ACOT11: variants seen among roughly 807,000 people sequenced by gnomAD.
ACOT11 encodes acyl-coenzyme A thioesterase 11.
A neutral mutation model predicts 77.5 loss-of-function variants in ACOT11; 69 were observed. The observed-to-expected ratio is 0.89, with a 90% CI of 0.73 to 1.09. ACOT11 has a LOEUF of 1.09. ACOT11 is among the 50% of genes least tolerant of loss of function. The pLI is 0.00. For synonymous variants in ACOT11, 279 were observed against 313.0 expected (o/e 0.89, Z 1.15); for missense variants, 766 against 813.7 (o/e 0.94, Z 0.71).
intron 1 of ACOT11, among the ~76,000 whole-genome samples, chr1:54,569,216 C>T (rs1653850451): frequency 6.6e-6 from 1 of 151,956 alleles, no homozygotes; most frequent in Admixed American, 6.6e-5. Flanking sequence ...CCTGCCTCAG[C>T]CTCCCAAAGT....
chr1:54,565,310 C>A (rs1653699054), intron 1 of ACOT11, among the ~76,000 whole-genome samples: 1 of 152,210 alleles, frequency 6.6e-6, no homozygotes, highest in African/African-American at 2.4e-5. Flanking sequence ...CTGCAGTGAG[C>A]TCTTTTCCTA....
At chr1:54,623,584 C>T (rs951069985) in intron 15 of ACOT11, 10 of 579,586 alleles carry the variant, frequency 1.7e-5, no homozygotes, top group Non-Finnish European at 2.8e-5. Context: ...CCTCCCCGCC[C>T]CAATCCTCTT....
chr1:54,635,857 C>T (rs1292703728), exon 17 of ACOT11: 2 of 152,770 alleles, frequency 1.3e-5, no homozygotes, highest in African/African-American at 4.8e-5. Context: ...CTCTGCAGCA[C>T]TAAAACATGT....
chr1:54,565,049 C>G (rs1435136139), intron 1 of ACOT11, among the ~76,000 whole-genome samples: 2 of 152,168 alleles, frequency 1.3e-5, no homozygotes, highest in Non-Finnish European at 1.5e-5. Flanking sequence ...TGCATCTCAG[C>G]ACCGTCTTCC....
At chr1:54,599,633 G>T in intron 8 of ACOT11, 1 of 359,146 alleles carries the variant, frequency 2.8e-6, no homozygotes, top group East Asian at 5.4e-5. Context: ...GGCTGGGTCA[G>T]GGACCCCTCC....
chr1:54,603,016 C>T (rs1569757690), intron 10 of ACOT11, among the ~76,000 whole-genome samples: 1 of 152,142 alleles, frequency 6.6e-6, no homozygotes, highest in East Asian at 1.9e-4. Flanking sequence ...GTGTTCTTGC[C>T]ATTGATTCTG....
intron 1 of ACOT11, among the ~76,000 whole-genome samples, chr1:54,559,504 T>C (rs1653392309): frequency 6.6e-6 from 1 of 152,216 alleles, no homozygotes; most frequent in Admixed American, 6.5e-5. Flanking sequence ...CCAGTTCTCT[T>C]CCTGCAGATC....
intron 1 of ACOT11, among the ~76,000 whole-genome samples, chr1:54,563,390 C>G (rs1653622026): frequency 6.6e-6 from 1 of 152,216 alleles, no homozygotes; most frequent in East Asian, 1.9e-4. Context: ...TTAGACAAGG[C>G]TTTTATAACC....
At chr1:54,618,197 G>A (rs1458731519) in intron 15 of ACOT11, among the ~76,000 whole-genome samples, 1 of 152,100 alleles carries the variant, frequency 6.6e-6, no homozygotes, top group African/African-American at 2.4e-5. Context: ...ATCCTTTAGT[G>A]TTGGCTTAAA....
chr1:54,592,354 G>A (rs1351077549), intron 3 of ACOT11, among the ~76,000 whole-genome samples, 192 bp from the exon 4 acceptor site: 3 of 152,240 alleles, frequency 2.0e-5, no homozygotes, highest in Non-Finnish European at 4.4e-5. Flanking sequence ...TTAACCATCT[G>A]TAAAGTGGGG....
intron 15 of ACOT11, among the ~76,000 whole-genome samples, chr1:54,617,755 G>A (rs574469376): frequency 8.4e-5 from 9 of 107,512 alleles, no homozygotes; most frequent in Non-Finnish European, 1.6e-4. Context: ...ATGAAGTCTC[G>A]CTCTGTTGCC....
At chr1:54,554,353 T>A (rs972021231) in intron 1 of ACOT11, among the ~76,000 whole-genome samples, 5,333 of 32,892 alleles carry the variant, frequency 0.16, 381 homozygotes, top group South Asian at 0.27. Context: ...ATATATATAT[T>A]TTTTTTTTTT....
chr1:54,579,698 C>T (rs1413783379), intron 1 of ACOT11, among the ~76,000 whole-genome samples: 3 of 152,208 alleles, frequency 2.0e-5, no homozygotes, highest in South Asian at 2.1e-4. Flanking sequence ...TCTCCCTGCC[C>T]GCCCCTGGGG....
intron 15 of ACOT11, among the ~76,000 whole-genome samples, chr1:54,620,845 CAAAAA>C (rs767625864): frequency 0.024 from 290 of 12,032 alleles, no homozygotes; most frequent in Non-Finnish European, 0.034. Context: ...GAGACTCTGT[CAAAAA>C]AAAAAAAAAA....
chr1:54,600,707 T>C (rs1215764946), intron 8 of ACOT11, among the ~76,000 whole-genome samples: 1 of 151,932 alleles, frequency 6.6e-6, no homozygotes, highest in Non-Finnish European at 1.5e-5. Flanking sequence ...AATAAAGAAA[T>C]AAAGACAGTA....
At position 54,562,486 on chromosome 1, in the gene ACOT11, C is replaced by CG. The variant is rs1214627806; in HGVS notation, c.33+14150dup. Among the ~76,000 whole-genome samples the CG allele has an allele frequency of 8.3e-5, 6 of 72,228 alleles. 1 individual carries two copies. Among genetic ancestry groups the CG allele is most frequent in the South Asian group, 9.6e-4 (2 of 2,076 alleles). 47.4% of individuals were successfully genotyped at this position (72,228 alleles called of 152,430 possible). A position where few individuals can be genotyped will look rare whatever the true frequency, so the allele number is the denominator to read the frequency against. On this transcript the variant is annotated intron_variant, in intron 1 of 15. Coordinates refer to ENST00000343744, the MANE Select transcript of ACOT11 (RefSeq NM_147161.4). ...CTCCCGGACGGCACGGCTGGCCAGG[C>CG]GGGGGGCTGACCCCCCCACCTCCCT...
intron 1 of ACOT11, among the ~76,000 whole-genome samples, chr1:54,552,402 A>T (rs957453185): frequency 1.3e-5 from 2 of 152,064 alleles, no homozygotes; most frequent in Non-Finnish European, 2.9e-5. Flanking sequence ...AAGAGGTGAG[A>T]CTTGAACATG....
At chr1:54,599,273 T>C (rs1643935349) in intron 7 of ACOT11, 23 bp from the exon 8 acceptor site, 6 of 1,439,162 alleles carry the variant, frequency 4.2e-6, no homozygotes, top group Non-Finnish European at 5.6e-6. Flanking sequence ...ATTCCTTCTG[T>C]CTCCCCACCC....
chr1:54,550,752 G>A (rs1653033260), intron 1 of ACOT11, among the ~76,000 whole-genome samples: 1 of 152,060 alleles, frequency 6.6e-6, no homozygotes, highest in Non-Finnish European at 1.5e-5. Flanking sequence ...CTGCCTGGGA[G>A]GCGGAGGCTG....
Sources: allele counts gnomAD v4.1 joint callset (sites outside exome capture counted in the v4.1 genomes callset), GRCh38; gene constraint gnomAD v4.1.1; transcripts MANE v1.5; gene names NCBI Gene and HGNC (gene_info 2026-07-23, HGNC 2026-07-21).